LAMB1: variants seen among roughly 807,000 people sequenced by gnomAD.
LAMB1 encodes the protein laminin subunit beta-1.
LAMB1 carries 121 observed loss-of-function variants against 222.3 expected under a neutral mutation model. The ratio of observed to expected loss-of-function variants is 0.54; its 90% confidence interval spans 0.47 to 0.63. The LOEUF (loss-of-function observed/expected upper bound fraction) is 0.63. LAMB1 is among the 30% of genes least tolerant of loss of function. LAMB1 has a pLI of 0.00. For synonymous variants in LAMB1, 794 were observed against 807.2 expected, an observed-to-expected ratio of 0.98 and a Z score of 0.28; for missense variants, 2,172 against 2,240.8, an observed-to-expected ratio of 0.97 and a Z score of 0.62.
At chr7:107,939,013 C>CA (rs1194270270) in intron 25 of LAMB1, among the ~76,000 whole-genome samples, 1 of 152,124 alleles carries the variant, frequency 6.6e-6, no homozygotes, top group Non-Finnish European at 1.5e-5. Context: ...TCATCACACA[C>CA]AAAAAATGTT....
intron 27 of LAMB1, among the ~76,000 whole-genome samples, chr7:107,934,159 G>A (rs1002810584): frequency 2.6e-5 from 4 of 151,890 alleles, no homozygotes; most frequent in African/African-American, 7.3e-5. Flanking sequence ...TTTAATAAAT[G>A]ACAGATTATT....
chr7:107,962,875 C>G, intron 15 of LAMB1, 30 bp downstream of exon 15: 1 of 1,594,272 alleles, frequency 6.3e-7, no homozygotes, highest in Non-Finnish European at 8.6e-7. Context: ...CCCCTCCCTC[C>G]TCCACCAGTC....
At position 107,953,693 on chromosome 7, in the gene LAMB1, C is replaced by T. The variant is rs764760549; in HGVS notation, c.2916G>A (p.Ser972=). 8.7e-6 allele frequency: 14 copies of T among 1,614,136 alleles called. No individual in the cohort carries two copies. Among genetic ancestry groups the T allele is most frequent in the South Asian group, 2.2e-5 (2 of 91,080 alleles). The change falls in exon 22 of 34, where the codon TCG becomes TCA. Residue 972 remains serine, a synonymous_variant. Transcript: ENST00000222399. ...TGTTGTGACACTGGCAAGGCTGACA[C>T]GACCCCCCAACTTCTGATGGATTGC... The part of the protein sequence containing the change: ...YFGNPSEVGG[S]CQPCQCHNNI...
intron 13 of LAMB1, among the ~76,000 whole-genome samples, chr7:107,968,200 CA>C (rs1439211430): frequency 6.6e-6 from 1 of 152,150 alleles, no homozygotes; most frequent in Non-Finnish European, 1.5e-5. Context: ...GGCTTCTTCA[CA>C]GTGATACCAA....
intron 18 of LAMB1, 84 bp downstream of exon 18, chr7:107,960,361 G>C: frequency 1.1e-6 from 1 of 944,232 alleles, no homozygotes; most frequent in African/African-American, 1.6e-5. Flanking sequence ...CAGGGCTAGG[G>C]GGTGGGCACT....
At position 107,929,418 on chromosome 7, in the gene LAMB1, C is replaced by G. The variant is rs372090635; in HGVS notation, c.4739G>C (p.Arg1580Thr). 7 of 1,613,804 alleles carry G rather than the reference C, an allele frequency of 4.3e-6. No homozygotes were observed. The highest frequency in any genetic ancestry group is 5.9e-6 in the Non-Finnish European group (7 of 1,179,738). The part of the protein sequence containing the change: ...RAEMLLEEAK[R>T]ASKSATDVKV... ...ATGCCATGTCTTTAGATACCTTGCT[C>G]TTTTAGCTTCTTCTAACAACATCTC... The change falls in exon 30 of 34, where the codon AGA (arginine) becomes ACA (threonine). Residue 1580 changes from arginine to threonine, a missense_variant. By Grantham distance (71) the Arg-to-Thr change is moderately conservative (BLOSUM62 -1). Coordinates refer to ENST00000222399, the MANE Select transcript of LAMB1 (RefSeq NM_002291.3).
At chr7:107,999,065 A>G (rs1223707145) in intron 3 of LAMB1, among the ~76,000 whole-genome samples, 2 of 152,232 alleles carry the variant, frequency 1.3e-5, no homozygotes, top group Non-Finnish European at 2.9e-5. Context: ...ATTGCTCAGA[A>G]TATCTGGGGA....
chr7:107,985,637 C>T (rs925548799), intron 7 of LAMB1, among the ~76,000 whole-genome samples: 8 of 144,096 alleles, frequency 5.6e-5, no homozygotes, highest in African/African-American at 2.2e-4. Context: ...CTCAAAAAAA[C>T]AAAACAAAAC....
intron 20 of LAMB1, among the ~76,000 whole-genome samples, chr7:107,957,665 G>C (rs887222290): frequency 2.6e-5 from 4 of 152,192 alleles, no homozygotes; most frequent in East Asian, 1.9e-4. Context: ...TGTTTCTCAA[G>C]TCTTTTGGAG....
Position 107,964,674 on chromosome 7 carries a change from A to T in LAMB1, c.1576T>A (p.Ser526Thr), listed in dbSNP as rs1223977238. Residue 526 changes from serine (S) to threonine (T), a missense_variant, in exon 14 of 34, where the codon TCA becomes ACA. Transcript: ENST00000222399. ...TGAGGCCGGCATGAGCACTGGCCTGACTCCGCAAAGCAACTGGAAGGGAGG... is the reference window on the plus strand; with the variant it reads ...TGAGGCCGGCATGAGCACTGGCCTGTCTCCGCAAAGCAACTGGAAGGGAGG... The part of the protein sequence containing the change: ...GALNNSCFAE[S>T]GQCSCRPHMI... The T allele has an allele frequency of 6.2e-7, 1 of 1,613,868 alleles. No individual in the cohort carries two copies. The highest frequency in any genetic ancestry group is 1.3e-5 in the African/African-American group (1 of 74,864).
intron 9 of LAMB1, 108 bp from the exon 10 acceptor site, chr7:107,975,985 A>C: frequency 1.1e-6 from 1 of 891,542 alleles, no homozygotes. Context: ...GTTCAGACAA[A>C]ATGGCAGTCA....
chr7:107,967,032 C>A (rs1281913504), intron 13 of LAMB1, among the ~76,000 whole-genome samples: 1 of 152,206 alleles, frequency 6.6e-6, no homozygotes, highest in Admixed American at 6.5e-5. Flanking sequence ...CAGCACCCAG[C>A]AGGTGGCTGG....
chr7:107,930,647 A>T (rs2032685383), intron 29 of LAMB1, among the ~76,000 whole-genome samples: 1 of 152,196 alleles, frequency 6.6e-6, no homozygotes, highest in Non-Finnish European at 1.5e-5. Context: ...TCTAGGGAAG[A>T]CTTCCTCCTT....
At chr7:107,955,370 A>T in intron 21 of LAMB1, 97 bp downstream of exon 21, 2 of 1,067,126 alleles carry the variant, frequency 1.9e-6, no homozygotes, top group Non-Finnish European at 2.6e-6. Flanking sequence ...AAGTAGACTT[A>T]ATTGGTTCAC....
At chr7:107,954,723 G>A (rs570880974) in intron 21 of LAMB1, among the ~76,000 whole-genome samples, 1 of 152,064 alleles carries the variant, frequency 6.6e-6, no homozygotes. Flanking sequence ...CCTGGGAGGC[G>A]GAGCTTGCAG....
In LAMB1 at chr7:107,975,727, T is replaced by C; in HGVS notation, c.1151A>G (p.His384Arg). 6.2e-7 allele frequency: 1 copy of C among 1,613,424 alleles called. No individual in the cohort carries two copies. The highest frequency in any genetic ancestry group is 8.5e-7 in the Non-Finnish European group (1 of 1,179,682). ...AGGATCTCGGATGTCCCTCTCTGGG[T>C]GCTGGTAGTAAAACGGCTTGCACTG... ...CEQCKPFYYQ[H>R]PERDIRDPNF... The change falls in exon 10 of 34, where the codon CAC (histidine) becomes CGC (arginine). Residue 384 changes from histidine to arginine, a missense_variant. Transcript: ENST00000222399.
chr7:107,955,442 C>A, intron 21 of LAMB1, 25 bp downstream of exon 21: 1 of 1,584,416 alleles, frequency 6.3e-7, no homozygotes, highest in South Asian at 1.1e-5. Flanking sequence ...CTCTCTTTGC[C>A]TCCCAAAGTA....
At chr7:107,988,048 A>C (rs554424990) in intron 5 of LAMB1, among the ~76,000 whole-genome samples, 80 of 152,388 alleles carry the variant, frequency 5.2e-4, no homozygotes, top group African/African-American at 1.9e-3. Flanking sequence ...AAACCAAGTG[A>C]AAGAAAAAAG....
intron 31 of LAMB1, among the ~76,000 whole-genome samples, chr7:107,928,845 G>A (rs1411672369): frequency 4.0e-5 from 6 of 151,504 alleles, no homozygotes; most frequent in South Asian, 2.1e-4. Flanking sequence ...AAATGAGATG[G>A]GACGTAATGG....
Sources: gnomAD v4.1 joint callset for allele counts (sites outside exome capture counted in the v4.1 genomes callset) on GRCh38, gnomAD v4.1.1 for gene constraint, MANE v1.5 for transcripts, NCBI Gene and HGNC (gene_info 2026-07-23, HGNC 2026-07-21) for gene names.